MAGI2: variants seen among roughly 807,000 people sequenced by gnomAD.
The protein encoded by MAGI2 is membrane associated guanylate kinase, WW and PDZ domain containing 2.
A neutral mutation model predicts 133.3 loss-of-function variants in MAGI2; 35 were observed. That is an observed-to-expected ratio of 0.26 (90% CI 0.20 to 0.35). MAGI2 has a LOEUF of 0.35. MAGI2 is among the 10% of genes least tolerant of loss of function. The pLI, the probability that MAGI2 is intolerant of heterozygous loss-of-function variation, is 1.00. For synonymous variants in MAGI2, 729 were observed against 710.6 expected (o/e 1.03, Z -0.41); for missense variants, 1,636 against 1,863.4 (o/e 0.88, Z 2.25).
intron 6 of MAGI2, among the ~76,000 whole-genome samples, chr7:78,458,319 A>G (rs1389857994): frequency 2.6e-5 from 4 of 151,048 alleles, no homozygotes; most frequent in African/African-American, 9.7e-5. Context: ...AGAATAAAAG[A>G]GTAAAATTGA....
rs374640706 is a variant in MAGI2, at chr7:78,955,411, T to C, written c.418+51679A>G. Among the ~76,000 whole-genome samples the C allele has an allele frequency of 7.0e-4, 106 of 152,270 alleles. 4 individuals are homozygous for C. The South Asian group carries it at 0.022, about 32-fold the overall frequency. On this transcript the variant is annotated intron_variant, in intron 2 of 21. Coordinates refer to ENST00000354212, the MANE Select transcript of MAGI2 (RefSeq NM_012301.4). The stretch of plus-strand genomic sequence containing the variant: ...CCTGTACTCAAATGCTGAGCATATA[T>C]TTGTAAGTTATTTGCATATTAAAAA...
intron 3 of MAGI2, among the ~76,000 whole-genome samples, chr7:78,550,885 C>CTGT (rs1175265529): frequency 2.8e-4 from 43 of 152,016 alleles, no homozygotes; most frequent in Admixed American, 2.3e-3. Context: ...TGGAATTATA[C>CTGT]AGAACTTCTT....
chr7:78,927,697 CTT>C (rs1799820299), intron 2 of MAGI2, among the ~76,000 whole-genome samples: 1 of 151,804 alleles, frequency 6.6e-6, no homozygotes, highest in Non-Finnish European at 1.5e-5. Context: ...TCCAAAAAAT[CTT>C]TTGAGTAACT....
At chr7:78,704,253 C>CA (rs1818374080) in intron 2 of MAGI2, among the ~76,000 whole-genome samples, 1 of 151,830 alleles carries the variant, frequency 6.6e-6, no homozygotes, top group African/African-American at 2.4e-5. Flanking sequence ...AAAAAGTGAG[C>CA]AAAAAACAGG....
At position 78,502,077 on chromosome 7, in the gene MAGI2, C is replaced by A. The variant is rs537448113; in HGVS notation, c.755-290G>T. 2.6e-5 allele frequency among the ~76,000 whole-genome samples: 4 copies of A among 152,192 alleles called. No homozygotes were observed. The East Asian group carries it at 7.8e-4, about 29-fold the overall frequency. ...GTATGGTGAGCAGAATAATGGGCCC[C>A]TGAAGATATTCATATCCTAATGTCT... On this transcript the variant is annotated intron_variant, in intron 4 of 21. Coordinates refer to ENST00000354212, the MANE Select transcript of MAGI2 (RefSeq NM_012301.4).
chr7:79,313,084 T>TC (rs1042764289), intron 1 of MAGI2, among the ~76,000 whole-genome samples: 2 of 152,316 alleles, frequency 1.3e-5, no homozygotes, highest in Non-Finnish European at 2.9e-5. Flanking sequence ...TTCCTCCTTT[T>TC]CCCTCTCCCT....
intron 2 of MAGI2, among the ~76,000 whole-genome samples, chr7:78,779,256 C>T (rs1306348195): frequency 6.6e-6 from 1 of 151,770 alleles, no homozygotes; most frequent in African/African-American, 2.4e-5. Flanking sequence ...CTTTTTTTTT[C>T]CCCCAGGCTT....
At chr7:78,143,273 T>A (rs1822949486) in intron 16 of MAGI2, among the ~76,000 whole-genome samples, 1 of 152,206 alleles carries the variant, frequency 6.6e-6, no homozygotes, top group African/African-American at 2.4e-5. Flanking sequence ...ATAAAGGAAT[T>A]CTTCCCTGTA....
In MAGI2 at chr7:78,131,630, C is replaced by T. The variant is rs3807712; in HGVS notation, c.3203+1259G>A. 3.3e-5 allele frequency among the ~76,000 whole-genome samples: 5 copies of T among 152,214 alleles called. No individual in the cohort carries two copies. The South Asian group carries it at 8.3e-4, about 25-fold the overall frequency. ...TTGTTTGTTTGTTTCCCACGGAAAG[C>T]GAGAAAGCATCATGGGAACATGTCT... On this transcript the variant is annotated intron_variant, in intron 18 of 21. Transcript: ENST00000354212.
At chr7:78,926,274 T>A (rs1799684813) in intron 2 of MAGI2, among the ~76,000 whole-genome samples, 1 of 152,036 alleles carries the variant, frequency 6.6e-6, no homozygotes, top group East Asian at 1.9e-4. Flanking sequence ...ATTTGTGGAT[T>A]TTCTCTCCCC....
At chr7:79,106,311 T>C (rs575842695) in intron 1 of MAGI2, among the ~76,000 whole-genome samples, 55 of 152,246 alleles carry the variant, frequency 3.6e-4, no homozygotes, top group Non-Finnish European at 5.9e-4. Context: ...GGAATAAAAA[T>C]TGATTGCAAA....
chr7:78,135,284 A>C (rs1821995129), intron 16 of MAGI2, 78 bp from the exon 17 acceptor site: 1 of 1,164,556 alleles, frequency 8.6e-7, no homozygotes, highest in Non-Finnish European at 1.3e-6. Flanking sequence ...CAAAGGAAAC[A>C]ATGAAATGTC....
chr7:78,633,373 T>A (rs971612519), intron 2 of MAGI2, among the ~76,000 whole-genome samples: 8 of 152,088 alleles, frequency 5.3e-5, no homozygotes, highest in Admixed American at 3.3e-4. Context: ...ATGTCACAAA[T>A]CTTCACATGT....
At chr7:78,421,788 A>C (rs1798822832) in intron 6 of MAGI2, among the ~76,000 whole-genome samples, 1 of 152,206 alleles carries the variant, frequency 6.6e-6, no homozygotes, top group Non-Finnish European at 1.5e-5. Flanking sequence ...TGGGTGATCA[A>C]GTGAGACCCT....
chr7:78,403,710 T>C (rs1797115513), intron 6 of MAGI2, among the ~76,000 whole-genome samples: 1 of 152,164 alleles, frequency 6.6e-6, no homozygotes, highest in African/African-American at 2.4e-5. Context: ...TGTGAGATGG[T>C]ATCTCATTGT....
intron 2 of MAGI2, among the ~76,000 whole-genome samples, chr7:78,906,902 G>T (rs1007836610): frequency 1.2e-4 from 18 of 151,574 alleles, no homozygotes; most frequent in Non-Finnish European, 2.6e-4. Context: ...TAATTGCTTT[G>T]CCTTAAGCCA....
chr7:79,320,896 T>C (rs1465509964), intron 1 of MAGI2, among the ~76,000 whole-genome samples: 3 of 152,070 alleles, frequency 2.0e-5, no homozygotes, highest in African/African-American at 7.2e-5. Flanking sequence ...CACTAAAAAT[T>C]CTTTCTTGTG....
At chr7:79,296,274 C>A (rs1342734411) in intron 1 of MAGI2, among the ~76,000 whole-genome samples, 1 of 152,134 alleles carries the variant, frequency 6.6e-6, no homozygotes, top group African/African-American at 2.4e-5. Context: ...GAAATCATAT[C>A]CCCTTTTCAT....
chr7:79,118,951 T>C (rs1819645336), intron 1 of MAGI2, among the ~76,000 whole-genome samples: 1 of 152,154 alleles, frequency 6.6e-6, no homozygotes, highest in Admixed American at 6.6e-5. Flanking sequence ...TTAGAAGCAG[T>C]AGATTCAATT....
Sources: gnomAD v4.1 joint callset for allele counts (sites outside exome capture counted in the v4.1 genomes callset) on GRCh38, gnomAD v4.1.1 for gene constraint, MANE v1.5 for transcripts, NCBI Gene and HGNC (gene_info 2026-07-23, HGNC 2026-07-21) for gene names.